The following ZNF692 variants were observed in gnomAD, a reference collection of about 807,000 sequenced individuals.
The protein encoded by ZNF692 is zinc finger protein 692, also known as AICAR responsive element binding protein.
A neutral mutation model predicts 49.0 loss-of-function variants in ZNF692; 41 were observed. The ratio of observed to expected loss-of-function variants is 0.84; its 90% CI spans 0.65 to 1.08. The LOEUF (loss-of-function observed/expected upper bound fraction) is 1.08. Ranked by LOEUF, ZNF692 falls within the 50% of genes least tolerant of loss-of-function variation. The pLI is 0.00. For missense variants in ZNF692, 662 were observed against 662.2 expected, an observed-to-expected ratio of 1.00 and a Z score of 0.00; for synonymous variants, 288 against 251.5, an observed-to-expected ratio of 1.15 and a Z score of -1.37.
chr1:248,856,020 C>T (rs1660193409), intron 6 of ZNF692, 74 bp from the exon 7 acceptor site: 2 of 1,478,546 alleles, frequency 1.4e-6, no homozygotes, highest in South Asian at 2.4e-5. Context: ...ACCCTAGCCC[C>T]TAAACTGAAA....
At chr1:248,857,985 G>C (rs1660440579) in intron 2 of ZNF692, 126 bp from the exon 3 acceptor site, 1 of 1,550,090 alleles carries the variant, frequency 6.5e-7, no homozygotes, top group Non-Finnish European at 8.7e-7. Context: ...AGGGGAGCAG[G>C]ACCCTCGGAG....
At chr1:248,853,356 ACT>A (rs1659828667) in intron 10 of ZNF692, among the ~76,000 whole-genome samples, 3 of 151,886 alleles carry the variant, frequency 2.0e-5, no homozygotes, top group South Asian at 4.2e-4. Context: ...GCCATTCAAG[ACT>A]CTGCGATGGC....
At chr1:248,857,673 A>G (rs1225759389) in intron 3 of ZNF692, 155 bp downstream of exon 3, 33 of 1,467,266 alleles carry the variant, frequency 2.2e-5, no homozygotes, top group Non-Finnish European at 3.0e-5. Context: ...TCCCTTCCCC[A>G]CCCAGAGGTT....
Position 248,857,887 on chromosome 1 carries a change from G to A in ZNF692, c.180-28C>T, listed in dbSNP as rs762016754. The A allele has an allele frequency of 1.7e-5, 27 of 1,612,022 alleles. 1 individual carries two copies. In the South Asian group the frequency reaches 3.0e-4, roughly 18 times the overall value. On this transcript the variant is annotated intron_variant, in intron 2 of 11. Coordinates refer to ENST00000306601, the MANE Select transcript of ZNF692 (RefSeq NM_017865.4). ...GCCAGCAGGAGAAGAGGCAGGTCAG[G>A]ACTCAGGTGGCCAGCCACCCTCAGC...
In ZNF692 at chr1:248,856,433, A is replaced by G; in HGVS notation, c.525-11T>C. 6.2e-7 allele frequency: 1 copy of G among 1,613,952 alleles called. No homozygotes were observed. On this transcript the variant is annotated splice_polypyrimidine_tract_variant and intron_variant, in intron 5 of 11. Transcript: ENST00000306601. ...GGGGGTCCCACCCTCCTGCAGGCCC[A>G]AAGAAGGCAAGCCTGAGGTCCTGCT...
intron 10 of ZNF692, among the ~76,000 whole-genome samples, chr1:248,851,229 G>A (rs1303030100): frequency 6.6e-6 from 1 of 152,096 alleles, no homozygotes; most frequent in Non-Finnish European, 1.5e-5. Flanking sequence ...GACAGACCCT[G>A]GCACCTGGAA....
In ZNF692 at chr1:248,858,866, T is replaced by G. The variant is rs1558264125; in HGVS notation, c.-13+52A>C. The G allele has an allele frequency of 3.2e-5, 12 of 380,544 alleles. No homozygotes were observed. Among genetic ancestry groups the G allele is most frequent in the East Asian group, 5.3e-5 (1 of 18,938 alleles). 23.6% of individuals were successfully genotyped at this position (380,544 alleles called of 1,614,324 possible). A position where few individuals can be genotyped will look rare whatever the true frequency, so the allele number is the denominator to read the frequency against. On this transcript the variant is annotated intron_variant, in intron 1 of 11. Coordinates refer to ENST00000306601, the MANE Select transcript of ZNF692 (RefSeq NM_017865.4). This position sits in a 1 kb window ranked among gnomAD's most constrained non-coding sequence, Gnocchi z 4.3. ...TGGAGCGGACTAATCCCAATGGCAG[T>G]TCCCAGGCTGCCCAGAGCCCCCGTC...
intron 10 of ZNF692, 64 bp from the exon 11 acceptor site, chr1:248,850,845 C>T: frequency 7.1e-7 from 1 of 1,411,180 alleles, no homozygotes; most frequent in Non-Finnish European, 9.8e-7. Flanking sequence ...TTGGCCCACC[C>T]CACCCACTGT....
chr1:248,856,707 C>G (rs1660283754), intron 4 of ZNF692, 145 bp from the exon 5 acceptor site: 1 of 988,702 alleles, frequency 1.0e-6, no homozygotes, highest in East Asian at 2.6e-5. Flanking sequence ...AGGCTGGTCT[C>G]AAACCCCTGG....
At chr1:248,852,862 T>C (rs920424728) in intron 10 of ZNF692, among the ~76,000 whole-genome samples, 2 of 152,218 alleles carry the variant, frequency 1.3e-5, no homozygotes, top group East Asian at 3.8e-4. Flanking sequence ...ACTTCCTCTA[T>C]GTAGGGACAC....
In ZNF692 at chr1:248,850,531, A is replaced by G. The variant is rs1296779597; in HGVS notation, c.1254-15T>C. 6.3e-7 allele frequency: 1 copy of G among 1,597,286 alleles called. No individual in the cohort carries two copies. Among genetic ancestry groups the G allele is most frequent in the South Asian group, 1.1e-5 (1 of 89,246 alleles). On this transcript the variant is annotated splice_polypyrimidine_tract_variant and intron_variant, in intron 11 of 11. Coordinates refer to ENST00000306601, the MANE Select transcript of ZNF692 (RefSeq NM_017865.4). ...ATATCTCACACCTGGAGTCAGGGAC[A>G]GAAGAGGGAAGGAACAAGGCCTCAG...
At position 248,855,548 on chromosome 1, in the gene ZNF692, T is replaced by C. The variant is rs73152349; in HGVS notation, c.959+10A>G. The C allele has an allele frequency of 0.074, 120,147 of 1,613,978 alleles. 8,921 individuals are homozygous for C. The highest frequency in any genetic ancestry group is 0.32 in the African/African-American group (24,176 of 74,952). ...GGCCCTCCCCAGAACCCCATCTCCCTAAGTCCTACCTAATTCTCTTGGGGC... is the reference window on the plus strand; with the variant it reads ...GGCCCTCCCCAGAACCCCATCTCCCCAAGTCCTACCTAATTCTCTTGGGGC... On this transcript the variant is annotated intron_variant, in intron 8 of 11. Transcript: ENST00000306601.
chr1:248,858,120 C>A lies in ZNF692; in HGVS notation c.179+11G>T. On this transcript the variant is annotated intron_variant, in intron 2 of 11. Transcript: ENST00000306601. This position sits in a 1 kb window ranked among gnomAD's most constrained non-coding sequence, Gnocchi z 4.3. ...GGTACCCTCCCCCAAGCCCTTCTCC[C>A]GGCCCCTAACCGGTCCAACAGGAAC... 1 of 1,559,602 alleles carries A rather than the reference C, an allele frequency of 6.4e-7. No homozygotes were observed. The highest frequency in any genetic ancestry group is 8.7e-7 in the Non-Finnish European group (1 of 1,155,680).
chr1:248,855,713 C>A lies in ZNF692; in HGVS notation c.881+12G>T. ...GACGCCCCTGCCCTTTCTGTCTCAGCCATCAGGTTACCTGGCCAGGGCCTC... is the reference window on the plus strand; with the variant it reads ...GACGCCCCTGCCCTTTCTGTCTCAGACATCAGGTTACCTGGCCAGGGCCTC... On this transcript the variant is annotated intron_variant, in intron 7 of 11. Coordinates refer to ENST00000306601, the MANE Select transcript of ZNF692 (RefSeq NM_017865.4). 2 of 1,614,234 alleles carry A rather than the reference C, an allele frequency of 1.2e-6. No individual in the cohort carries two copies. Among genetic ancestry groups the A allele is most frequent in the Non-Finnish European group, 1.7e-6 (2 of 1,180,046 alleles).
Position 248,850,518 on chromosome 1 carries a change from T to C in ZNF692, c.1254-2A>G, listed in dbSNP as rs1464030177. On this transcript the variant is annotated splice_acceptor_variant, in intron 11 of 11. Coordinates refer to ENST00000306601, the MANE Select transcript of ZNF692 (RefSeq NM_017865.4). LOFTEE classifies it high-confidence loss of function. ...CAGGTAAACCCGCATATCTCACACC[T>C]GGAGTCAGGGACAGAAGAGGGAAGG... 1.9e-6 allele frequency: 3 copies of C among 1,602,754 alleles called. No homozygotes were observed. Among genetic ancestry groups the C allele is most frequent in the African/African-American group, 1.3e-5 (1 of 74,842 alleles).
In ZNF692 at chr1:248,857,503, G is replaced by A. The variant is rs779965739; in HGVS notation, c.212-6C>T. ...TGGAGGCAAAGGCTCAGGACCTGGA[G>A]GGGTGGGGGAAGCAGTCAGGCTGAA... On this transcript the variant is annotated splice_region_variant and splice_polypyrimidine_tract_variant and intron_variant, in intron 3 of 11. Transcript: ENST00000306601. 6 of 1,609,408 alleles carry A rather than the reference G, an allele frequency of 3.7e-6. No homozygotes were observed. In the South Asian group the frequency reaches 6.6e-5, roughly 18 times the overall value.
Position 248,858,612 on chromosome 1 carries a change from G to A in ZNF692, c.-12-291C>T. 6.6e-7 allele frequency: 1 copy of A among 1,512,206 alleles called. No homozygotes were observed. Among genetic ancestry groups the A allele is most frequent in the South Asian group, 1.2e-5 (1 of 83,254 alleles). The allele number at this position is 1,512,206 out of a possible 1,614,324, so 93.7% of individuals were successfully genotyped here. Reference sequence around the variant, plus strand: ...AAGTGGAGCTGTGGGGAAGGGGCGAGAGACTTTCACGGGAAATTTCAACTG... The same window carrying A: ...AAGTGGAGCTGTGGGGAAGGGGCGAAAGACTTTCACGGGAAATTTCAACTG... On this transcript the variant is annotated intron_variant, in intron 1 of 11. Coordinates refer to ENST00000306601, the MANE Select transcript of ZNF692 (RefSeq NM_017865.4). The surrounding 1 kb of genome is among the most constrained non-coding windows in gnomAD (Gnocchi z 4.3).
Position 248,858,144 on chromosome 1 carries a change from A to G in ZNF692, c.166T>C (p.Phe56Leu), listed in dbSNP as rs1158555771. ...GFSLHSQLAK[F>L]LLDRYTSSGC... ...CCGGCCCCTAACCGGTCCAACAGGAACTTGGCGAGCTGCGAGTGCAGGGAG... is the reference window on the plus strand; with the variant it reads ...CCGGCCCCTAACCGGTCCAACAGGAGCTTGGCGAGCTGCGAGTGCAGGGAG... The change falls in exon 2 of 12, where the codon TTC becomes CTC. Residue 56 changes from phenylalanine (F) to leucine (L), a missense_variant. Coordinates refer to ENST00000306601, the MANE Select transcript of ZNF692 (RefSeq NM_017865.4). The surrounding 1 kb of genome is among the most constrained non-coding windows in gnomAD (Gnocchi z 4.3). The G allele has an allele frequency of 6.4e-7, 1 of 1,567,950 alleles. No homozygotes were observed. The highest frequency in any genetic ancestry group is 1.1e-5 in the South Asian group (1 of 88,930).
Position 248,858,602 on chromosome 1 carries a change from G to A in ZNF692, c.-12-281C>T, listed in dbSNP as rs1280964011. The A allele has an allele frequency of 4.7e-5, 72 of 1,526,910 alleles. 1 individual carries two copies. The highest frequency in any genetic ancestry group is 5.8e-5 in the Non-Finnish European group (65 of 1,124,772). 94.6% of individuals were successfully genotyped at this position (1,526,910 alleles called of 1,614,324 possible). ...CAGTCCACTGAAGTGGAGCTGTGGGGAAGGGGCGAGAGACTTTCACGGGAA... is the reference window on the plus strand; with the variant it reads ...CAGTCCACTGAAGTGGAGCTGTGGGAAAGGGGCGAGAGACTTTCACGGGAA... On this transcript the variant is annotated intron_variant, in intron 1 of 11. Coordinates refer to ENST00000306601, the MANE Select transcript of ZNF692 (RefSeq NM_017865.4). This position sits in a 1 kb window ranked among gnomAD's most constrained non-coding sequence, Gnocchi z 4.3.
Sources: gnomAD v4.1 joint callset for allele counts (sites outside exome capture counted in the v4.1 genomes callset) on GRCh38, gnomAD v4.1.1 for gene constraint, Gnocchi (gnomAD v3.1) non-coding constraint, MANE v1.5 for transcripts, NCBI Gene and HGNC (gene_info 2026-07-23, HGNC 2026-07-21) for gene names.